PDE1A: variants seen among roughly 807,000 people sequenced by gnomAD.
PDE1A encodes the protein dual specificity calcium/calmodulin-dependent 3',5'-cyclic nucleotide phosphodiesterase 1A.
Under a neutral mutation model 61.7 loss-of-function variants are expected in PDE1A, and 35 were observed. The ratio of observed to expected loss-of-function variants is 0.57; its 90% CI spans 0.43 to 0.75. The LOEUF (loss-of-function observed/expected upper bound fraction) is 0.75. PDE1A is among the 30% of genes least tolerant of loss of function. PDE1A has a pLI of 0.00. For synonymous variants in PDE1A, 232 were observed against 213.2 expected (o/e 1.09, Z -0.77); for missense variants, 597 against 630.6 (o/e 0.95, Z 0.57).
intron 2 of PDE1A, among the ~76,000 whole-genome samples, chr2:182,506,328 T>C (rs1400917013): frequency 1.3e-5 from 2 of 152,292 alleles, no homozygotes; most frequent in African/African-American, 2.4e-5. Context: ...ATATCTTATT[T>C]TAAAATAAGA....
intron 2 of PDE1A, among the ~76,000 whole-genome samples, chr2:182,253,221 C>G (rs1287983288): frequency 6.6e-6 from 1 of 152,154 alleles, no homozygotes; most frequent in Non-Finnish European, 1.5e-5. Flanking sequence ...TCCAACCTAC[C>G]TGGCTGTAAG....
the PDE1A span, among the ~76,000 whole-genome samples, chr2:182,542,849 G>A: frequency 6.6e-6 from 1 of 152,146 alleles, no homozygotes; most frequent in Non-Finnish European, 1.5e-5. Flanking sequence ...TTATCTCTTA[G>A]GGGGAAATCA....
At chr2:182,596,934 T>C in the PDE1A span, among the ~76,000 whole-genome samples, 1 of 152,096 alleles carries the variant, frequency 6.6e-6, no homozygotes, top group Non-Finnish European at 1.5e-5. Flanking sequence ...CAGGTGAATC[T>C]GTAGAGCCCA....
At chr2:182,467,929 T>A (rs922637704) in intron 2 of PDE1A, among the ~76,000 whole-genome samples, 4 of 152,054 alleles carry the variant, frequency 2.6e-5, no homozygotes, top group Admixed American at 2.6e-4. Flanking sequence ...CACTCTACAG[T>A]AATTTATTAA....
chr2:182,463,100 G>A (rs1371070232), intron 2 of PDE1A, among the ~76,000 whole-genome samples: 1 of 151,960 alleles, frequency 6.6e-6, no homozygotes, highest in Non-Finnish European at 1.5e-5. Context: ...AATTAGCCAG[G>A]CGTGATGGCA....
At chr2:182,448,123 T>C (rs1157449500) in intron 2 of PDE1A, among the ~76,000 whole-genome samples, 1 of 152,168 alleles carries the variant, frequency 6.6e-6, no homozygotes, top group Non-Finnish European at 1.5e-5. Flanking sequence ...GTGAAACTTC[T>C]TTTAATTTGC....
intron 1 of PDE1A, among the ~76,000 whole-genome samples, chr2:182,359,147 T>G (rs549350356): frequency 6.6e-6 from 1 of 152,304 alleles, no homozygotes; most frequent in East Asian, 1.9e-4. Context: ...TAGGCACAGC[T>G]TCTTCCCAAG....
chr2:182,684,909 A>G, the PDE1A span, among the ~76,000 whole-genome samples: 17 of 152,136 alleles, frequency 1.1e-4, no homozygotes, highest in Admixed American at 1.1e-3. Context: ...ATACGTATAT[A>G]AATGACACAT....
intron 1 of PDE1A, among the ~76,000 whole-genome samples, chr2:182,316,280 T>C (rs1202871122): frequency 1.3e-5 from 2 of 152,192 alleles, no homozygotes; most frequent in Non-Finnish European, 2.9e-5. Context: ...AAAGTTGTAG[T>C]GCATTATACT....
the PDE1A span, among the ~76,000 whole-genome samples, chr2:182,534,489 A>C: frequency 6.6e-6 from 1 of 151,938 alleles, no homozygotes; most frequent in Admixed American, 6.6e-5. Flanking sequence ...ATGGATATTA[A>C]ATTTTTTCTT....
intron 1 of PDE1A, among the ~76,000 whole-genome samples, chr2:182,350,170 G>A (rs1256364548): frequency 2.6e-5 from 4 of 151,968 alleles, no homozygotes; most frequent in African/African-American, 7.3e-5. Flanking sequence ...AAATTACACC[G>A]TGTGTACTCT....
At chr2:182,581,107 T>C in the PDE1A span, among the ~76,000 whole-genome samples, 1 of 152,142 alleles carries the variant, frequency 6.6e-6, no homozygotes, top group Non-Finnish European at 1.5e-5. Context: ...CTGATGACAA[T>C]AAAACAAGTG....
At chr2:182,454,321 A>G (rs906063374) in intron 2 of PDE1A, among the ~76,000 whole-genome samples, 1 of 152,182 alleles carries the variant, frequency 6.6e-6, no homozygotes, top group African/African-American at 2.4e-5. Context: ...AAGAATCAAT[A>G]TCGTGAAAAT....
At chr2:182,446,474 C>T (rs530638278) in intron 2 of PDE1A, among the ~76,000 whole-genome samples, 4 of 152,208 alleles carry the variant, frequency 2.6e-5, no homozygotes, top group Admixed American at 6.6e-5. Context: ...CTGTTTTGGT[C>T]AGGAGTGGCT....
At chr2:182,559,496 A>C in the PDE1A span, among the ~76,000 whole-genome samples, 2 of 152,198 alleles carry the variant, frequency 1.3e-5, no homozygotes, top group Non-Finnish European at 2.9e-5. Flanking sequence ...TGACAAGGGT[A>C]TAGAGCAACC....
the PDE1A span, among the ~76,000 whole-genome samples, chr2:182,658,303 T>C: frequency 1.3e-5 from 2 of 152,218 alleles, no homozygotes; most frequent in Non-Finnish European, 2.9e-5. Flanking sequence ...GTCCCTGATG[T>C]TCCTTGCCTT....
the PDE1A span, among the ~76,000 whole-genome samples, chr2:182,650,931 G>C: frequency 1.6e-4 from 24 of 152,234 alleles, no homozygotes; most frequent in South Asian, 8.3e-4. Flanking sequence ...ATTTAAAAAG[G>C]CTTCTTGAAA....
the PDE1A span, among the ~76,000 whole-genome samples, chr2:182,632,020 AT>A: frequency 1.3e-5 from 2 of 152,150 alleles, no homozygotes; most frequent in Non-Finnish European, 2.9e-5. Context: ...TCCCTTTTTC[AT>A]ACCGATTTTA....
chr2:182,211,981 G>C (rs1196449904), intron 7 of PDE1A, among the ~76,000 whole-genome samples: 4 of 151,806 alleles, frequency 2.6e-5, no homozygotes, highest in Admixed American at 2.6e-4. Context: ...AAGATTCATG[G>C]GAAGAGAGAA....
Sources: gnomAD v4.1 joint callset for allele counts (sites outside exome capture counted in the v4.1 genomes callset) on GRCh38, gnomAD v4.1.1 for gene constraint, MANE v1.5 for transcripts, NCBI Gene and HGNC (gene_info 2026-07-23, HGNC 2026-07-21) for gene names.